The following XYLT1 variants were observed in gnomAD, a reference collection of about 807,000 sequenced individuals.
The protein encoded by XYLT1 is beta-D-xylosyltransferase 1.
XYLT1 carries 36 observed loss-of-function variants against 91.3 expected under a neutral mutation model. That is an observed-to-expected ratio of 0.39 (90% CI 0.30 to 0.52). XYLT1 has a LOEUF of 0.52. Among genes scored for constraint, XYLT1 ranks in the 20% least tolerant of loss-of-function variants. The probability of loss-of-function intolerance (pLI) is 0.68; values close to 1 mark genes in which losing one functional copy is unlikely to be tolerated. For missense variants in XYLT1, 1,242 were observed against 1,284.5 expected (o/e 0.97, Z 0.51); for synonymous variants, 588 against 532.0 (o/e 1.11, Z -1.45).
At chr16:17,327,585 ATC>A (rs2034828322) in intron 2 of XYLT1, among the ~76,000 whole-genome samples, 1 of 128,216 alleles carries the variant, frequency 7.8e-6, no homozygotes, top group Non-Finnish European at 1.6e-5. Flanking sequence ...GATGGTCTCA[ATC>A]TCCTGACCTC....
chr16:17,242,901 G>T (rs79654400), intron 3 of XYLT1, among the ~76,000 whole-genome samples: 1 of 152,178 alleles, frequency 6.6e-6, no homozygotes, highest in Non-Finnish European at 1.5e-5. Context: ...TTCACTTAGC[G>T]TGAAGTCCCC....
chr16:17,367,528 G>A (rs2035471605), intron 1 of XYLT1, among the ~76,000 whole-genome samples: 1 of 152,200 alleles, frequency 6.6e-6, no homozygotes, highest in Non-Finnish European at 1.5e-5. Context: ...ACTGCCAAGT[G>A]TCCCACAGAC....
chr16:17,172,316 C>T (rs1396684418), intron 5 of XYLT1, among the ~76,000 whole-genome samples: 2 of 151,404 alleles, frequency 1.3e-5, no homozygotes, highest in Non-Finnish European at 2.9e-5. Flanking sequence ...TTGAAGTTTT[C>T]TGAATGTTTT....
In XYLT1 at chr16:17,334,272, C is replaced by T. The variant is rs192148425; in HGVS notation, c.402+23740G>A. ...CAAATTGGTCACTAGTGAGTAACTG[C>T]GTGCTAAGTGTTTCCTCCCAACAGT... is the stretch of plus-strand genomic sequence containing the variant. On this transcript the variant is annotated intron_variant, in intron 2 of 11. Transcript: ENST00000261381. Among the ~76,000 whole-genome samples the T allele has an allele frequency of 7.9e-5, 12 of 152,276 alleles. No individual in the cohort carries two copies. The East Asian group carries it at 1.5e-3, about 20-fold the overall frequency.
At chr16:17,144,766 A>G (rs1184935181) in intron 6 of XYLT1, among the ~76,000 whole-genome samples, 1 of 152,250 alleles carries the variant, frequency 6.6e-6, no homozygotes, top group Non-Finnish European at 1.5e-5. Context: ...CTCGAGGAAG[A>G]GCTGCCTTTT....
chr16:17,193,526 C>G (rs7202856), intron 5 of XYLT1: 9,319 of 152,528 alleles, frequency 0.061, 353 homozygotes, highest in African/African-American at 0.082. Context: ...CCCCACCCCC[C>G]ACAGTGAGGG....
intron 1 of XYLT1, among the ~76,000 whole-genome samples, chr16:17,460,746 A>G (rs1596558128): frequency 6.6e-6 from 1 of 152,224 alleles, no homozygotes; most frequent in East Asian, 1.9e-4. Flanking sequence ...GACTTTTAAA[A>G]GAATTCCAAA....
intron 2 of XYLT1, among the ~76,000 whole-genome samples, chr16:17,349,371 T>C (rs946962256): frequency 6.6e-6 from 1 of 152,204 alleles, no homozygotes; most frequent in Non-Finnish European, 1.5e-5. Flanking sequence ...TCTCCTTCTA[T>C]ATCTTATTGA....
chr16:17,365,290 A>G (rs1041154573), intron 1 of XYLT1, among the ~76,000 whole-genome samples: 6 of 152,206 alleles, frequency 3.9e-5, no homozygotes, highest in African/African-American at 9.6e-5. Context: ...AAGGTGTTGC[A>G]TAACGGGGCT....
intron 3 of XYLT1, among the ~76,000 whole-genome samples, chr16:17,214,659 G>T (rs141783183): frequency 6.6e-6 from 1 of 152,246 alleles, no homozygotes; most frequent in African/African-American, 2.4e-5. Context: ...TCATGCACAC[G>T]CCACAAGAGC....
rs1356444473 is a variant in XYLT1 at position 17,102,744 on chromosome 16, T to C, written c.*5951A>G. The C allele has an allele frequency of 7.7e-6, 1 of 129,368 alleles. No individual in the cohort carries two copies. The highest frequency in any genetic ancestry group is 1.6e-5 in the Non-Finnish European group (1 of 63,966). The allele number at this position is 129,368 out of a possible 1,614,324, so 8.0% of individuals were successfully genotyped here. ...TCAGCGTGTGCCATTTGAATTCTTT[T>C]TTTAAAACTTTATTTACAGATTTTT... On this transcript the variant is annotated 3_prime_UTR_variant, in exon 12 of 12. Coordinates refer to ENST00000261381, the MANE Select transcript of XYLT1 (RefSeq NM_022166.4).
intron 1 of XYLT1, among the ~76,000 whole-genome samples, chr16:17,374,016 A>G (rs1567398650): frequency 6.6e-6 from 1 of 152,200 alleles, no homozygotes; most frequent in African/African-American, 2.4e-5. Flanking sequence ...GAAGGTAGGG[A>G]CAGAAAACAC....
rs777788182 is a variant in XYLT1 at position 17,138,338 on chromosome 16, C to CCATGAGAAAGT, written c.1764+6_1764+16dup. The CCATGAGAAAGT allele has an allele frequency of 6.2e-7, 1 of 1,603,432 alleles. No individual in the cohort carries two copies. Among genetic ancestry groups the CCATGAGAAAGT allele is most frequent in the Non-Finnish European group, 8.5e-7 (1 of 1,171,860 alleles). ...AGGCATCACTTAGGAGGCTGGCAGA[C>CCATGAGAAAGT]CATGAGAAAGTCTCACCTGGAAGCG... is the stretch of plus-strand genomic sequence containing the variant. On this transcript the variant is annotated intron_variant, in intron 8 of 11. Coordinates refer to ENST00000261381, the MANE Select transcript of XYLT1 (RefSeq NM_022166.4).
intron 3 of XYLT1, 33 bp downstream of exon 3, chr16:17,258,955 A>T (rs539238205): frequency 6.7e-7 from 1 of 1,481,874 alleles, no homozygotes; most frequent in African/African-American, 1.4e-5. Context: ...TGGCCAGGAG[A>T]TCCCTCTCTG....
chr16:17,148,982 A>G (rs909036818), intron 6 of XYLT1, among the ~76,000 whole-genome samples: 4 of 152,226 alleles, frequency 2.6e-5, no homozygotes, highest in Non-Finnish European at 5.9e-5. Flanking sequence ...GGGGCAGCTC[A>G]CCTTCCTGAT....
chr16:17,436,668 T>A (rs11075350), intron 1 of XYLT1, among the ~76,000 whole-genome samples: 52,799 of 152,196 alleles, frequency 0.35, 10,608 homozygotes, highest in African/African-American at 0.54. Flanking sequence ...CAAAAGGGAA[T>A]CTACTTCAAA....
At chr16:17,151,118 C>A (rs1335445765) in intron 6 of XYLT1, among the ~76,000 whole-genome samples, 2 of 152,172 alleles carry the variant, frequency 1.3e-5, no homozygotes, top group Non-Finnish European at 2.9e-5. Context: ...GTCAGTGCAG[C>A]ATGGTGGTTA....
intron 1 of XYLT1, among the ~76,000 whole-genome samples, chr16:17,436,143 C>G (rs2036456541): frequency 1.3e-5 from 2 of 152,200 alleles, no homozygotes; most frequent in Admixed American, 6.5e-5. Flanking sequence ...TGACTTTGCT[C>G]CTCGTTCGCC....
rs2031843457 is a variant in XYLT1, at chr16:17,172,461, CA to C, written c.1290-13553del. ...CTTCCTATGTGCCAAAGACTGCGTT[CA>C]TTTCTTTTTTTTTTTTTTTTTTTTT... On this transcript the variant is annotated intron_variant, in intron 5 of 11. Transcript: ENST00000261381. 6.8e-3 allele frequency among the ~76,000 whole-genome samples: 907 copies of C among 134,366 alleles called. 10 individuals are homozygous for C. Among genetic ancestry groups the C allele is most frequent in the African/African-American group, 0.023 (865 of 38,182 alleles). The allele number at this position is 134,366 out of a possible 152,430, so 88.1% of individuals were successfully genotyped here.
Sources: gnomAD v4.1 joint callset for allele counts (sites outside exome capture counted in the v4.1 genomes callset) on GRCh38, gnomAD v4.1.1 for gene constraint, MANE v1.5 for transcripts, NCBI Gene and HGNC (gene_info 2026-07-23, HGNC 2026-07-21) for gene names.